Variants in PDE1A observed in about 807,000 individuals in gnomAD.
The protein encoded by PDE1A is dual specificity calcium/calmodulin-dependent 3',5'-cyclic nucleotide phosphodiesterase 1A.
In PDE1A, 35 loss-of-function variants were observed where a neutral mutation model predicts 61.7. The ratio of observed to expected loss-of-function variants is 0.57; its 90% confidence interval spans 0.43 to 0.75. PDE1A has a LOEUF of 0.75. PDE1A is among the 30% of genes least tolerant of loss of function. The pLI, the probability that PDE1A is intolerant of heterozygous loss-of-function variation, is 0.00. For missense variants in PDE1A, 597 were observed against 630.6 expected, an observed-to-expected ratio of 0.95 and a Z score of 0.57; for synonymous variants, 232 against 213.2, an observed-to-expected ratio of 1.09 and a Z score of -0.77.
chr2:182,145,071 C>T (rs1690423896), downstream of PDE1A, among the ~76,000 whole-genome samples: 1 of 152,210 alleles, frequency 6.6e-6, no homozygotes, highest in African/African-American at 2.4e-5. Flanking sequence ...TCATTTCCCT[C>T]ATTTAAAAGA....
At chr2:182,349,741 A>T (rs1470062395) in intron 1 of PDE1A, among the ~76,000 whole-genome samples, 1 of 152,160 alleles carries the variant, frequency 6.6e-6, no homozygotes, top group Non-Finnish European at 1.5e-5. Flanking sequence ...GCCTGGCAGC[A>T]GAGTGAGACT....
Position 182,333,692 on chromosome 2 carries a change from A to G in PDE1A, c.54-69278T>C, listed in dbSNP as rs140916853. 8.1e-3 allele frequency among the ~76,000 whole-genome samples: 1,235 copies of G among 152,314 alleles called. 7 individuals carry two copies. The highest frequency in any genetic ancestry group is 0.013 in the Non-Finnish European group (913 of 68,028). On this transcript the variant is annotated intron_variant, in intron 1 of 13. Coordinates refer to ENST00000351439, the Ensembl canonical transcript of PDE1A. Reference sequence around the variant, plus strand: ...GAAGTAAAGAAGCTAGAGAAAACAAATTCAAAAGCTAGCAGAAGACAAGAA... The same window carrying G: ...GAAGTAAAGAAGCTAGAGAAAACAAGTTCAAAAGCTAGCAGAAGACAAGAA...
chr2:182,354,892 T>C (rs1054431181), intron 1 of PDE1A, among the ~76,000 whole-genome samples: 1 of 152,106 alleles, frequency 6.6e-6, no homozygotes, highest in African/African-American at 2.4e-5. Flanking sequence ...AGGGTACTTT[T>C]TAATAATAGG....
chr2:182,206,169 A>G, intron 7 of PDE1A, 104 bp from the exon 8 acceptor site: 1 of 774,650 alleles, frequency 1.3e-6, no homozygotes, highest in Non-Finnish European at 2.0e-6. Flanking sequence ...AAAACATCCT[A>G]TAATTGAACA....
At chr2:182,443,765 G>A (rs1684951505) in intron 2 of PDE1A, among the ~76,000 whole-genome samples, 1 of 141,100 alleles carries the variant, frequency 7.1e-6, no homozygotes, top group Non-Finnish European at 1.5e-5. Flanking sequence ...GTTTAATGGT[G>A]TGATCTTGGC....
At chr2:182,698,847 C>A in the PDE1A span, among the ~76,000 whole-genome samples, 49 of 152,268 alleles carry the variant, frequency 3.2e-4, no homozygotes, top group Non-Finnish European at 5.4e-4. Flanking sequence ...TTCATTCCCC[C>A]CTTGAAGGCT....
chr2:182,506,486 C>T (rs1187422729), intron 2 of PDE1A, among the ~76,000 whole-genome samples: 1 of 152,176 alleles, frequency 6.6e-6, no homozygotes, highest in Non-Finnish European at 1.5e-5. Flanking sequence ...TCTCTGGTTT[C>T]CACAATTTAT....
the PDE1A span, among the ~76,000 whole-genome samples, chr2:182,595,760 C>G: frequency 6.6e-6 from 1 of 152,166 alleles, no homozygotes; most frequent in Non-Finnish European, 1.5e-5. Context: ...ATATGACTTG[C>G]TGGTGGGTGA....
At chr2:182,572,551 C>A in the PDE1A span, among the ~76,000 whole-genome samples, 3 of 152,066 alleles carry the variant, frequency 2.0e-5, no homozygotes, top group Non-Finnish European at 2.9e-5. Flanking sequence ...CATTGTAAAA[C>A]CTCTTGCTAA....
chr2:182,469,699 C>T (rs1686903541), intron 2 of PDE1A, among the ~76,000 whole-genome samples: 1 of 151,938 alleles, frequency 6.6e-6, no homozygotes, highest in Non-Finnish European at 1.5e-5. Context: ...TTTCACTGTG[C>T]CTTCTTCACT....
intron 2 of PDE1A, among the ~76,000 whole-genome samples, chr2:182,470,656 G>T (rs1686968336): frequency 1.3e-5 from 2 of 151,770 alleles, no homozygotes; most frequent in Admixed American, 6.6e-5. Context: ...CTGAAAGTGG[G>T]TTTCTGTACA....
At chr2:182,418,485 T>G (rs1233393325) in intron 1 of PDE1A, among the ~76,000 whole-genome samples, 1 of 152,206 alleles carries the variant, frequency 6.6e-6, no homozygotes, top group Admixed American at 6.5e-5. Context: ...TTCATTCATA[T>G]ATATTTTTTT....
downstream of PDE1A, among the ~76,000 whole-genome samples, chr2:182,165,291 T>G (rs1691597325): frequency 2.0e-5 from 3 of 152,128 alleles, no homozygotes; most frequent in African/African-American, 7.2e-5. Flanking sequence ...CAGTGAACTT[T>G]GTTTCAGAGG....
At chr2:182,182,715 C>A (rs1204412196) in intron 13 of PDE1A, among the ~76,000 whole-genome samples, 1 of 151,820 alleles carries the variant, frequency 6.6e-6, no homozygotes, top group Non-Finnish European at 1.5e-5. Flanking sequence ...GCTTCACTGC[C>A]CTTCTTGTTG....
upstream of PDE1A, among the ~76,000 whole-genome samples, chr2:182,428,277 T>C (rs1370866632): frequency 6.6e-6 from 1 of 152,166 alleles, no homozygotes; most frequent in East Asian, 1.9e-4. Context: ...AATTGAATTC[T>C]ATATTTCTTT....
At chr2:182,487,094 A>T (rs2125865834) in intron 2 of PDE1A, among the ~76,000 whole-genome samples, 1 of 152,306 alleles carries the variant, frequency 6.6e-6, no homozygotes, top group Non-Finnish European at 1.5e-5. Flanking sequence ...TCATCTTAAA[A>T]ATTGGCAAAA....
intron 2 of PDE1A, among the ~76,000 whole-genome samples, chr2:182,445,525 C>T (rs1399079568): frequency 6.6e-6 from 1 of 151,976 alleles, no homozygotes; most frequent in East Asian, 1.9e-4. Flanking sequence ...GAGAGCTGAT[C>T]TGGGAGTTGA....
At chr2:182,389,194 CT>C (rs1247869830) in intron 1 of PDE1A, among the ~76,000 whole-genome samples, 36 of 152,082 alleles carry the variant, frequency 2.4e-4, no homozygotes, top group Admixed American at 2.0e-3. Context: ...TCAATGCAGT[CT>C]TTTTTACATT....
At chr2:182,662,230 C>CAA in the PDE1A span, among the ~76,000 whole-genome samples, 8 of 147,266 alleles carry the variant, frequency 5.4e-5, no homozygotes, top group Middle Eastern at 3.5e-3. Context: ...TTGAAATATC[C>CAA]AAAAAAAAGT....
Sources: allele counts gnomAD v4.1 joint callset (sites outside exome capture counted in the v4.1 genomes callset), GRCh38; gene constraint gnomAD v4.1.1; transcripts MANE v1.5; gene names NCBI Gene and HGNC (gene_info 2026-07-23, HGNC 2026-07-21).